The following SLC9A4 variants were observed in gnomAD, a reference collection of about 807,000 sequenced individuals.
SLC9A4 encodes the protein solute carrier family 9 member A4.
In SLC9A4, 63 loss-of-function variants were observed where a neutral mutation model predicts 67.4. The observed-to-expected ratio is 0.93, with a 90% CI of 0.76 to 1.15. The LOEUF (loss-of-function observed/expected upper bound fraction) is 1.15, where lower values mean the gene tolerates loss of function less well. SLC9A4 is among the 50% of genes most tolerant of loss of function. The pLI, the probability that SLC9A4 is intolerant of heterozygous loss-of-function variation, is 0.00. For missense variants in SLC9A4, 1,089 were observed against 987.7 expected (o/e 1.10, Z -1.38); for synonymous variants, 393 against 367.2 (o/e 1.07, Z -0.80).
At chr2:102,497,853 C>G (rs1187540047) in intron 2 of SLC9A4, among the ~76,000 whole-genome samples, 2 of 152,120 alleles carry the variant, frequency 1.3e-5, no homozygotes, top group Non-Finnish European at 2.9e-5. Flanking sequence ...AAAATGTCAG[C>G]ACATTTGGAA....
intron 10 of SLC9A4, among the ~76,000 whole-genome samples, 154 bp from the exon 11 acceptor site, chr2:102,526,105 C>T (rs1157487093): frequency 1.3e-5 from 2 of 152,186 alleles, no homozygotes; most frequent in East Asian, 3.9e-4. Flanking sequence ...CCAGGCTGGT[C>T]TTGAACCCCT....
chr2:102,478,007 G>T (rs562431604), intron 1 of SLC9A4, among the ~76,000 whole-genome samples: 1 of 152,124 alleles, frequency 6.6e-6, no homozygotes, highest in African/African-American at 2.4e-5. Flanking sequence ...TCCACCTGGC[G>T]GTACTTAACA....
chr2:102,514,335 C>A, intron 8 of SLC9A4, 84 bp downstream of exon 8: 1 of 901,288 alleles, frequency 1.1e-6, no homozygotes, highest in African/African-American at 1.7e-5. Context: ...TAAAGGTATA[C>A]GAGGAGTAAA....
intron 2 of SLC9A4, among the ~76,000 whole-genome samples, chr2:102,500,958 CTT>C (rs11443914): frequency 2.8e-5 from 4 of 141,316 alleles, no homozygotes; most frequent in Admixed American, 2.1e-4. Flanking sequence ...AAGCAACAAT[CTT>C]TTTTTTTTTT....
intron 2 of SLC9A4, among the ~76,000 whole-genome samples, chr2:102,499,800 G>A (rs373154592): frequency 7.2e-5 from 11 of 152,296 alleles, no homozygotes; most frequent in African/African-American, 2.6e-4. Flanking sequence ...ATTGAACAGT[G>A]AGCACTAATT....
In SLC9A4 at chr2:102,505,116, G is replaced by T. The variant is rs1573343504; in HGVS notation, c.981-138G>T. On this transcript the variant is annotated intron_variant, in intron 3 of 11. Transcript: ENST00000295269. ...GAGAAAGAAAATCTGCGGAAAATCT[G>T]CAGCCACAGAAGGGAATAAGGGAGA... 4.0e-6 allele frequency: 3 copies of T among 750,338 alleles called. No homozygotes were observed. In the Middle Eastern group the frequency reaches 1.0e-3, roughly 259 times the overall value. The allele number at this position is 750,338 out of a possible 1,614,324, so 46.5% of individuals were successfully genotyped here. A position where few individuals can be genotyped will look rare whatever the true frequency, so the allele number is the denominator to read the frequency against.
At chr2:102,493,191 T>C (rs1684738245) in intron 2 of SLC9A4, among the ~76,000 whole-genome samples, 1 of 152,116 alleles carries the variant, frequency 6.6e-6, no homozygotes, top group Non-Finnish European at 1.5e-5. Flanking sequence ...TCTTGTCTTC[T>C]TCTGAGCCCT....
chr2:102,521,491 G>C (rs1446512899), intron 9 of SLC9A4, among the ~76,000 whole-genome samples: 4 of 152,118 alleles, frequency 2.6e-5, no homozygotes, highest in Non-Finnish European at 4.4e-5. Flanking sequence ...GATAAACAGA[G>C]GGCAGTTACA....
intron 2 of SLC9A4, among the ~76,000 whole-genome samples, chr2:102,479,601 C>T (rs995621495): frequency 1.3e-5 from 2 of 152,218 alleles, no homozygotes; most frequent in Non-Finnish European, 2.9e-5. Flanking sequence ...CAAACAGAAA[C>T]TGTTGCTAAT....
intron 7 of SLC9A4, 122 bp downstream of exon 7, chr2:102,512,395 C>G: frequency 9.7e-7 from 1 of 1,026,398 alleles, no homozygotes; most frequent in South Asian, 1.5e-5. Flanking sequence ...CTGAGCCATC[C>G]CCTACAGGAA....
chr2:102,476,687 G>T (rs975049821), intron 1 of SLC9A4, among the ~76,000 whole-genome samples: 2 of 151,970 alleles, frequency 1.3e-5, no homozygotes, highest in African/African-American at 4.8e-5. Context: ...AAGGAAAACG[G>T]TAAGGAGAAA....
chr2:102,507,371 C>T (rs895573040), intron 4 of SLC9A4, among the ~76,000 whole-genome samples: 1 of 152,156 alleles, frequency 6.6e-6, no homozygotes, highest in Non-Finnish European at 1.5e-5. Flanking sequence ...AGGACCTTTC[C>T]TAGCAGGCAC....
rs1275811611 is a variant in SLC9A4 at position 102,503,471 on chromosome 2, C to T, written c.744C>T (p.Ala248=). 3 of 1,611,952 alleles carry T rather than the reference C, an allele frequency of 1.9e-6. No homozygotes were observed. The highest frequency in any genetic ancestry group is 2.2e-5 in the South Asian group (2 of 90,894). ...AGGTCTTATACAATATGTTAATTGC[C>T]TTTACAAAGATGCATAAATTTGAAG... The part of the protein sequence containing the change: ...ITVVLYNMLI[A]FTKMHKFEDI... Residue 248 remains alanine, a synonymous_variant, in exon 3 of 12, where the codon GCC becomes GCT. Coordinates refer to ENST00000295269, the MANE Select transcript of SLC9A4 (RefSeq NM_001011552.4).
At chr2:102,530,292 C>T (rs540580602) in intron 11 of SLC9A4, among the ~76,000 whole-genome samples, 18 of 152,218 alleles carry the variant, frequency 1.2e-4, no homozygotes, top group South Asian at 2.1e-4. Flanking sequence ...GAAGTTAAGG[C>T]TTTTGGTCAG....
intron 2 of SLC9A4, among the ~76,000 whole-genome samples, chr2:102,490,893 T>A (rs1684684409): frequency 6.6e-6 from 1 of 152,248 alleles, no homozygotes; most frequent in Non-Finnish European, 1.5e-5. Context: ...CCCTTCATAA[T>A]GTTTACTCAA....
rs554301972 is a variant in SLC9A4 at position 102,533,328 on chromosome 2, G to A, written c.*640G>A. ...TTAATCTGTGAACAATGGGTTTACG[G>A]TCTATTTCATAATTGAAATATTTAT... On this transcript the variant is annotated 3_prime_UTR_variant, in exon 12 of 12. Coordinates refer to ENST00000295269, the MANE Select transcript of SLC9A4 (RefSeq NM_001011552.4). 2.6e-5 allele frequency: 4 copies of A among 152,334 alleles called. No individual in the cohort carries two copies. In the East Asian group the frequency reaches 7.5e-4, roughly 29 times the overall value. 9.4% of individuals were successfully genotyped at this position (152,334 alleles called of 1,614,324 possible). A position where few individuals can be genotyped will look rare whatever the true frequency, so the allele number is the denominator to read the frequency against.
intron 3 of SLC9A4, among the ~76,000 whole-genome samples, chr2:102,504,244 G>A (rs1685003839): frequency 6.6e-6 from 1 of 152,078 alleles, no homozygotes; most frequent in Non-Finnish European, 1.5e-5. Context: ...AGTGGCGACG[G>A]GGTTTCACCA....
chr2:102,484,256 A>T (rs921684732), intron 2 of SLC9A4, among the ~76,000 whole-genome samples: 1 of 151,942 alleles, frequency 6.6e-6, no homozygotes, highest in Admixed American at 6.6e-5. Flanking sequence ...CCTCCTCCCA[A>T]ACTTTTTCCT....
chr2:102,510,269 A>T (rs899092904), intron 6 of SLC9A4, among the ~76,000 whole-genome samples: 80 of 148,604 alleles, frequency 5.4e-4, no homozygotes, highest in Admixed American at 1.1e-3. Flanking sequence ...ACAGATACAG[A>T]TACAGATATA....
Sources: allele counts gnomAD v4.1 joint callset (sites outside exome capture counted in the v4.1 genomes callset), GRCh38; gene constraint gnomAD v4.1.1; transcripts MANE v1.5; gene names NCBI Gene and HGNC (gene_info 2026-07-23, HGNC 2026-07-21).